MYO1E: variants seen among roughly 807,000 people sequenced by gnomAD.
The protein encoded by MYO1E is unconventional myosin-Ie.
Under a neutral mutation model 151.1 loss-of-function variants are expected in MYO1E, and 68 were observed. That is an observed-to-expected ratio of 0.45 (90% CI 0.37 to 0.55). The LOEUF (loss-of-function observed/expected upper bound fraction) is 0.55. Among genes scored for constraint, MYO1E ranks in the 20% least tolerant of loss-of-function variants. The pLI is 0.00. For synonymous variants in MYO1E, 601 were observed against 501.7 expected (o/e 1.20, Z -2.64); for missense variants, 1,363 against 1,389.3 (o/e 0.98, Z 0.30).
chr15:59,314,345 A>G (rs1234474556), intron 1 of MYO1E, among the ~76,000 whole-genome samples: 1 of 152,224 alleles, frequency 6.6e-6, no homozygotes, highest in African/African-American at 2.4e-5. Flanking sequence ...AGATTGTTAT[A>G]CTATTGATAG....
At chr15:59,177,994 C>A (rs755673144) in intron 19 of MYO1E, among the ~76,000 whole-genome samples, 1 of 152,318 alleles carries the variant, frequency 6.6e-6, no homozygotes, top group African/African-American at 2.4e-5. Context: ...TGAAGTCCCT[C>A]TTTAGCTTAG....
intron 1 of MYO1E, among the ~76,000 whole-genome samples, chr15:59,338,831 C>T (rs1182202638): frequency 3.3e-5 from 5 of 152,152 alleles, no homozygotes; most frequent in East Asian, 1.9e-4. Flanking sequence ...GAAGAGTGCA[C>T]CCTATAAATA....
At chr15:59,197,469 G>C (rs2079774877) in intron 16 of MYO1E, among the ~76,000 whole-genome samples, 1 of 152,232 alleles carries the variant, frequency 6.6e-6, no homozygotes, top group Non-Finnish European at 1.5e-5. Context: ...CATTTACTGA[G>C]TTTGCAGTGC....
intron 1 of MYO1E, among the ~76,000 whole-genome samples, chr15:59,326,162 C>A (rs1462807952): frequency 6.6e-6 from 1 of 150,936 alleles, no homozygotes; most frequent in Non-Finnish European, 1.5e-5. Context: ...AAAAAAAAAA[C>A]CCAGACAGCT....
intron 17 of MYO1E, among the ~76,000 whole-genome samples, chr15:59,192,611 T>C (rs2079740910): frequency 6.6e-6 from 1 of 152,200 alleles, no homozygotes; most frequent in Admixed American, 6.5e-5. Context: ...TTTCCAAGAC[T>C]GTCAAAATGC....
intron 1 of MYO1E, among the ~76,000 whole-genome samples, chr15:59,363,317 A>T (rs1270119575): frequency 2.6e-5 from 4 of 152,124 alleles, no homozygotes; most frequent in African/African-American, 7.2e-5. Flanking sequence ...TCTCACTATG[A>T]CATCTTCTAG....
At chr15:59,140,952 T>A (rs1946195861) in intron 26 of MYO1E, among the ~76,000 whole-genome samples, 1 of 152,192 alleles carries the variant, frequency 6.6e-6, no homozygotes. Flanking sequence ...GTGACATCAT[T>A]CGTTTTCTAC....
At chr15:59,280,353 A>C (rs2080345981) in intron 1 of MYO1E, among the ~76,000 whole-genome samples, 1 of 152,156 alleles carries the variant, frequency 6.6e-6, no homozygotes, top group Admixed American at 6.5e-5. Context: ...AACTGGACGC[A>C]GCAGCTCATG....
intron 1 of MYO1E, among the ~76,000 whole-genome samples, chr15:59,297,247 T>G (rs1233890974): frequency 6.6e-6 from 1 of 151,486 alleles, no homozygotes; most frequent in Non-Finnish European, 1.5e-5. Context: ...TTTCCCCTGG[T>G]GCAGGATCAT....
rs1347421871 is a variant in MYO1E at position 59,134,776 on chromosome 15, CTTCTGTA to C, written c.*2597_*2603del. The C allele has an allele frequency of 1.8e-4, 28 of 152,306 alleles. No homozygotes were observed. The highest frequency in any genetic ancestry group is 6.3e-4 in the African/African-American group (26 of 41,546). The allele number at this position is 152,306 out of a possible 1,614,324, so 9.4% of individuals were successfully genotyped here. A position where few individuals can be genotyped will look rare whatever the true frequency, so the allele number is the denominator to read the frequency against. ...CAGAAGGTGGGGGTGGCCCCTTGAT[CTTCTGTA>C]TGTTCTTTCCTGGTAAGTGACTCCT... On this transcript the variant is annotated 3_prime_UTR_variant, in exon 28 of 28. Transcript: ENST00000288235.
chr15:59,158,168 T>C lies in MYO1E; in HGVS notation c.2878+119A>G. ...CTGTGTTGTACATGTGGCACTGAAATGGTCCATGCCTGGTTAATATGTGTG... is the reference window on the plus strand; with the variant it reads ...CTGTGTTGTACATGTGGCACTGAAACGGTCCATGCCTGGTTAATATGTGTG... On this transcript the variant is annotated intron_variant, in intron 25 of 27. Coordinates refer to ENST00000288235, the MANE Select transcript of MYO1E (RefSeq NM_004998.4). The C allele has an allele frequency of 3.3e-6, 3 of 896,882 alleles. No individual in the cohort carries two copies. In the South Asian group the frequency reaches 4.3e-5, roughly 13 times the overall value. 55.6% of individuals were successfully genotyped at this position (896,882 alleles called of 1,614,324 possible).
At chr15:59,205,797 C>A (rs1274001662) in intron 14 of MYO1E, among the ~76,000 whole-genome samples, 3 of 152,178 alleles carry the variant, frequency 2.0e-5, no homozygotes, top group Non-Finnish European at 4.4e-5. Context: ...CCCCATACCC[C>A]TTCTTCAGTG....
chr15:59,169,350 C>A (rs2079579064), intron 22 of MYO1E, among the ~76,000 whole-genome samples: 1 of 152,206 alleles, frequency 6.6e-6, no homozygotes, highest in South Asian at 2.1e-4. Flanking sequence ...TTTGAGAACA[C>A]ACACGCATGT....
rs76569455 is a variant in MYO1E, at chr15:59,137,959, G to A, written c.3250+239C>T. Among the ~76,000 whole-genome samples, 9,972 of 152,216 alleles carry A rather than the reference G, an allele frequency of 0.066. 333 individuals are homozygous for A. Among genetic ancestry groups the A allele is most frequent in the Middle Eastern group, 0.12 (34 of 294 alleles). On this transcript the variant is annotated intron_variant, in intron 27 of 27. Coordinates refer to ENST00000288235, the MANE Select transcript of MYO1E (RefSeq NM_004998.4). ...ATGTTGGCCTGGAATTGCTGCTGCC[G>A]TTTTGCTACCATGAAGAAAAACAGC... is the stretch of plus-strand genomic sequence containing the variant.
chr15:59,269,985 G>A (rs1292169286), intron 2 of MYO1E, among the ~76,000 whole-genome samples: 1 of 152,162 alleles, frequency 6.6e-6, no homozygotes, highest in Admixed American at 6.5e-5. Context: ...TGCCACCATA[G>A]TGTGAAAACA....
chr15:59,160,087 C>T (rs553143619), intron 24 of MYO1E, among the ~76,000 whole-genome samples: 3 of 152,214 alleles, frequency 2.0e-5, no homozygotes, highest in East Asian at 1.9e-4. Context: ...CCGCCTGCCT[C>T]GGCCTCCCAA....
chr15:59,238,526 A>G (rs1340771699), intron 4 of MYO1E, among the ~76,000 whole-genome samples: 1 of 152,234 alleles, frequency 6.6e-6, no homozygotes, highest in Admixed American at 6.5e-5. Flanking sequence ...GGGCAAAAAC[A>G]AATTGACAAG....
chr15:59,188,269 G>C (rs766376937), intron 17 of MYO1E, 53 bp from the exon 18 acceptor site: 3 of 1,457,628 alleles, frequency 2.1e-6, no homozygotes, highest in East Asian at 2.3e-5. Context: ...CCTTTCACTC[G>C]TGTTCTTACC....
intron 9 of MYO1E, among the ~76,000 whole-genome samples, chr15:59,222,152 A>G (rs1402792500): frequency 5.3e-5 from 8 of 152,242 alleles, no homozygotes; most frequent in African/African-American, 1.9e-4. Context: ...CTTTTATCAG[A>G]AAAGAAAACA....
Sources: gnomAD v4.1 joint callset for allele counts (sites outside exome capture counted in the v4.1 genomes callset) on GRCh38, gnomAD v4.1.1 for gene constraint, MANE v1.5 for transcripts, NCBI Gene and HGNC (gene_info 2026-07-23, HGNC 2026-07-21) for gene names.